FSHR: variants seen among roughly 807,000 people sequenced by gnomAD.
FSHR encodes follicle stimulating hormone receptor, also known as follicle-stimulating hormone receptor.
FSHR carries 46 observed loss-of-function variants against 52.1 expected under a neutral mutation model. The ratio of observed to expected loss-of-function variants is 0.88; its 90% CI spans 0.70 to 1.13. The LOEUF is 1.13. FSHR is among the 50% of genes most tolerant of loss of function. The probability of loss-of-function intolerance (pLI) is 0.00; values close to 1 mark genes in which losing one functional copy is unlikely to be tolerated. For synonymous variants in FSHR, 399 were observed against 309.6 expected, an observed-to-expected ratio of 1.29 and a Z score of -3.03; for missense variants, 964 against 834.6, an observed-to-expected ratio of 1.16 and a Z score of -1.91.
intron 8 of FSHR, among the ~76,000 whole-genome samples, chr2:48,981,440 T>G (rs1251010844): frequency 2.6e-5 from 4 of 152,190 alleles, no homozygotes; most frequent in African/African-American, 7.2e-5. Context: ...ATAGGTATTG[T>G]TTTGGCCATT....
At chr2:48,984,341 C>A (rs981018857) in intron 6 of FSHR, among the ~76,000 whole-genome samples, 3 of 152,196 alleles carry the variant, frequency 2.0e-5, no homozygotes, top group African/African-American at 7.2e-5. Context: ...CTCTCCCAGG[C>A]ACATCTGGAC....
intron 2 of FSHR, among the ~76,000 whole-genome samples, chr2:49,048,274 A>G (rs1668731747): frequency 6.6e-6 from 1 of 151,970 alleles, no homozygotes; most frequent in Non-Finnish European, 1.5e-5. Flanking sequence ...AAAAAAAAGT[A>G]AAATAAATAA....
intron 4 of FSHR, among the ~76,000 whole-genome samples, chr2:49,001,418 A>T (rs1242094429): frequency 6.6e-6 from 1 of 152,106 alleles, no homozygotes; most frequent in African/African-American, 2.4e-5. Flanking sequence ...GCTGTATAAG[A>T]ACTTTTAAAA....
At chr2:49,015,332 G>A (rs969069755) in intron 4 of FSHR, among the ~76,000 whole-genome samples, 1 of 152,070 alleles carries the variant, frequency 6.6e-6, no homozygotes, top group Non-Finnish European at 1.5e-5. Context: ...GGTCTTAATC[G>A]GCAGCATAAT....
chr2:49,151,280 A>G (rs1298165306), intron 1 of FSHR, among the ~76,000 whole-genome samples: 1 of 151,968 alleles, frequency 6.6e-6, no homozygotes, highest in South Asian at 2.1e-4. Context: ...TAATTGCCAG[A>G]GCTACTCAAC....
intron 1 of FSHR, among the ~76,000 whole-genome samples, chr2:49,119,722 T>C (rs1671740702): frequency 6.6e-6 from 1 of 152,144 alleles, no homozygotes; most frequent in South Asian, 2.1e-4. Context: ...GATTGCAATT[T>C]TCAACATAAA....
At chr2:48,989,107 C>T (rs1039958370) in intron 5 of FSHR, 53 bp from the exon 6 acceptor site, 4 of 1,438,952 alleles carry the variant, frequency 2.8e-6, no homozygotes, top group African/African-American at 1.4e-5. Flanking sequence ...ACTCATGTAA[C>T]CTTCCAAAAT....
chr2:49,008,496 T>A (rs1268613487), intron 4 of FSHR, among the ~76,000 whole-genome samples: 1 of 152,104 alleles, frequency 6.6e-6, no homozygotes, highest in African/African-American at 2.4e-5. Flanking sequence ...TACGTGTGCA[T>A]GTGTCTTAAT....
At chr2:48,995,995 G>C (rs991605259) in intron 4 of FSHR, among the ~76,000 whole-genome samples, 3 of 152,014 alleles carry the variant, frequency 2.0e-5, no homozygotes, top group African/African-American at 7.2e-5. Flanking sequence ...AGATGCTTTA[G>C]GCAAATTTGA....
At chr2:49,060,749 A>G (rs1454177415) in intron 2 of FSHR, among the ~76,000 whole-genome samples, 1 of 152,174 alleles carries the variant, frequency 6.6e-6, no homozygotes, top group Admixed American at 6.5e-5. Flanking sequence ...GAGCCGGACT[A>G]GTTCCCTATT....
At chr2:49,016,813 C>A (rs1454028997) in intron 4 of FSHR, among the ~76,000 whole-genome samples, 1 of 152,024 alleles carries the variant, frequency 6.6e-6, no homozygotes, top group East Asian at 1.9e-4. Context: ...AAACAATATG[C>A]GAGGTTAAGT....
At chr2:49,010,489 C>T (rs538815523) in intron 4 of FSHR, among the ~76,000 whole-genome samples, 1 of 152,150 alleles carries the variant, frequency 6.6e-6, no homozygotes, top group East Asian at 1.9e-4. Flanking sequence ...CTAAAATTCT[C>T]TTTTTTTGTT....
intron 2 of FSHR, among the ~76,000 whole-genome samples, chr2:49,043,995 A>T (rs1025135591): frequency 2.6e-5 from 4 of 152,176 alleles, no homozygotes; most frequent in African/African-American, 9.7e-5. Flanking sequence ...GGCACCAAAG[A>T]TCTGGACAGC....
chr2:49,003,653 T>C (rs913774979), intron 4 of FSHR, among the ~76,000 whole-genome samples: 1 of 152,062 alleles, frequency 6.6e-6, no homozygotes, highest in East Asian at 1.9e-4. Flanking sequence ...TCTCAGCAAG[T>C]ATTTCAGAGT....
Position 48,982,082 on chromosome 2 carries a change from G to A in FSHR, c.668+830C>T, listed in dbSNP as rs80090637. Among the ~76,000 whole-genome samples the A allele has an allele frequency of 3.1e-3, 474 of 152,180 alleles. 6 individuals are homozygous for A. The highest frequency in any genetic ancestry group is 0.011 in the African/African-American group (459 of 41,520). Reference sequence around the variant, plus strand: ...GTAGTAGGTCTTGCTTAGAGCCCAGGAACACATTTTTAAAAAGCCTTTTTG... The same window carrying A: ...GTAGTAGGTCTTGCTTAGAGCCCAGAAACACATTTTTAAAAAGCCTTTTTG... On this transcript the variant is annotated intron_variant, in intron 8 of 9. Coordinates refer to ENST00000406846, the MANE Select transcript of FSHR (RefSeq NM_000145.4).
chr2:48,974,464 G>A (rs1012383116), intron 8 of FSHR, among the ~76,000 whole-genome samples: 1 of 152,218 alleles, frequency 6.6e-6, no homozygotes, highest in Non-Finnish European at 1.5e-5. Context: ...TGAGACGAAG[G>A]CATCTTGTCA....
rs971643463 is a variant in FSHR, at chr2:49,023,283, A to G, written c.225-3123T>C. On this transcript the variant is annotated intron_variant, in intron 2 of 9. Coordinates refer to ENST00000406846, the MANE Select transcript of FSHR (RefSeq NM_000145.4). Reference sequence around the variant, plus strand: ...CTTTTTTTTGGTCATTGTCTAATTCATCTGTTTTTGTATCTCTAGCATCTA... The same window carrying G: ...CTTTTTTTTGGTCATTGTCTAATTCGTCTGTTTTTGTATCTCTAGCATCTA... Among the ~76,000 whole-genome samples, 13 of 152,166 alleles carry G rather than the reference A, an allele frequency of 8.5e-5. 1 individual carries two copies. Among genetic ancestry groups the G allele is most frequent in the African/African-American group, 2.2e-4 (9 of 41,506 alleles).
At chr2:49,128,781 G>A (rs1672156899) in intron 1 of FSHR, among the ~76,000 whole-genome samples, 1 of 152,082 alleles carries the variant, frequency 6.6e-6, no homozygotes, top group Non-Finnish European at 1.5e-5. Flanking sequence ...CAGATGAGTG[G>A]CATCTCAAAG....
chr2:49,095,638 T>C (rs1382547612), intron 1 of FSHR, among the ~76,000 whole-genome samples: 1 of 152,074 alleles, frequency 6.6e-6, no homozygotes, highest in Non-Finnish European at 1.5e-5. Context: ...TTAATCAAAA[T>C]TAAAAATATT....
Sources: gnomAD v4.1 joint callset for allele counts (sites outside exome capture counted in the v4.1 genomes callset) on GRCh38, gnomAD v4.1.1 for gene constraint, MANE v1.5 for transcripts, NCBI Gene and HGNC (gene_info 2026-07-23, HGNC 2026-07-21) for gene names.